ANO2: variants seen among roughly 807,000 people sequenced by gnomAD.
ANO2 encodes the protein anoctamin-2.
In ANO2, 101 loss-of-function variants were observed where a neutral mutation model predicts 124.2. The observed-to-expected ratio is 0.81, with a 90% CI of 0.69 to 0.96. ANO2 has a LOEUF of 0.96. ANO2 is among the 40% of genes least tolerant of loss of function. The probability of loss-of-function intolerance (pLI) is 0.00; values close to 1 mark genes in which losing one functional copy is unlikely to be tolerated. For synonymous variants in ANO2, 486 were observed against 482.5 expected (o/e 1.01, Z -0.09); for missense variants, 1,293 against 1,274.5 (o/e 1.01, Z -0.22).
intron 1 of ANO2, among the ~76,000 whole-genome samples, 193 bp from the exon 2 acceptor site, chr12:5,922,997 GC>G (rs201139186): frequency 3.3e-5 from 5 of 151,206 alleles, no homozygotes; most frequent in African/African-American, 9.8e-5. Flanking sequence ...AGGAAGTGCG[GC>G]CCCCCGACTG....
At chr12:5,595,099 G>C (rs558605809) in intron 20 of ANO2, among the ~76,000 whole-genome samples, 5 of 152,310 alleles carry the variant, frequency 3.3e-5, no homozygotes, top group African/African-American at 1.2e-4. Flanking sequence ...TATTATTATA[G>C]AGTTAACTCT....
intron 19 of ANO2, among the ~76,000 whole-genome samples, chr12:5,601,555 G>A (rs1378540116): frequency 6.6e-6 from 1 of 152,128 alleles, no homozygotes; most frequent in Admixed American, 6.6e-5. Flanking sequence ...ATCAAAGAGA[G>A]AGAGAAGAAA....
intron 6 of ANO2, among the ~76,000 whole-genome samples, chr12:5,828,885 GCACAGAGGAGACATC>G (rs1003439964): frequency 6.6e-6 from 1 of 152,192 alleles, no homozygotes; most frequent in African/African-American, 2.4e-5. Flanking sequence ...AAAGAAGCAG[GCACAGAGGAGACATC>G]CACAGATGTG....
chr12:5,824,291 G>T (rs535729320), intron 7 of ANO2, among the ~76,000 whole-genome samples: 16 of 152,278 alleles, frequency 1.1e-4, no homozygotes, highest in Non-Finnish European at 1.8e-4. Context: ...AAACTTTTAT[G>T]TTCTGCTTCC....
chr12:5,620,945 G>A (rs752932995), intron 16 of ANO2, among the ~76,000 whole-genome samples: 7 of 152,242 alleles, frequency 4.6e-5, no homozygotes, highest in Non-Finnish European at 1.0e-4. Context: ...CAAGAGGCCA[G>A]GTCCTCCCTG....
chr12:5,765,038 A>G (rs1038026229), intron 10 of ANO2, among the ~76,000 whole-genome samples: 8 of 152,226 alleles, frequency 5.3e-5, no homozygotes, highest in African/African-American at 1.7e-4. Context: ...TAAAAATGCT[A>G]TCAGCCAGAG....
At chr12:5,568,801 C>T (rs1279029924) in intron 23 of ANO2, among the ~76,000 whole-genome samples, 1 of 152,156 alleles carries the variant, frequency 6.6e-6, no homozygotes, top group Admixed American at 6.5e-5. Flanking sequence ...GTTGAAAGCC[C>T]TGTCCAGCAC....
At chr12:5,637,159 C>T (rs758743864) in intron 15 of ANO2, among the ~76,000 whole-genome samples, 1 of 152,094 alleles carries the variant, frequency 6.6e-6, no homozygotes, top group Non-Finnish European at 1.5e-5. Flanking sequence ...CATGACATCA[C>T]CCCTCTCCAA....
chr12:5,811,567 A>G (rs1174147803), intron 7 of ANO2, among the ~76,000 whole-genome samples: 1 of 152,152 alleles, frequency 6.6e-6, no homozygotes, highest in East Asian at 1.9e-4. Context: ...AGTTCCATCA[A>G]CCTGTAATTT....
At chr12:5,943,344 A>G (rs1003745600) in intron 1 of ANO2, among the ~76,000 whole-genome samples, 3 of 151,916 alleles carry the variant, frequency 2.0e-5, no homozygotes, top group Non-Finnish European at 2.9e-5. Context: ...AAGAAACAAA[A>G]TAAGTCTTTT....
At chr12:5,852,895 T>C (rs1305906696) in intron 4 of ANO2, among the ~76,000 whole-genome samples, 1 of 130,546 alleles carries the variant, frequency 7.7e-6, no homozygotes, top group Non-Finnish European at 1.7e-5. Flanking sequence ...GTGTGTGGTG[T>C]ATATGAGAGA....
chr12:5,842,053 T>C (rs1278855301), intron 4 of ANO2, among the ~76,000 whole-genome samples: 1 of 151,932 alleles, frequency 6.6e-6, no homozygotes, highest in Non-Finnish European at 1.5e-5. Flanking sequence ...AAATTTTTTT[T>C]AGTTTTAGTA....
rs574429565 is a variant in ANO2 at position 5,680,393 on chromosome 12, G to C, written c.1546-32592C>G. On this transcript the variant is annotated intron_variant, in intron 14 of 24. Transcript: ENST00000682330. ...AGGGATATTGAAAAAAAGGAAAGAG[G>C]GGCCAGACTAGGAGAGGGTCTGGAA... Among the ~76,000 whole-genome samples the C allele has an allele frequency of 9.5e-4, 144 of 152,296 alleles. 2 individuals carry two copies. The highest frequency in any genetic ancestry group is 7.7e-3 in the South Asian group (37 of 4,828).
chr12:5,710,124 A>T (rs1949758994), intron 14 of ANO2, among the ~76,000 whole-genome samples: 1 of 152,218 alleles, frequency 6.6e-6, no homozygotes, highest in African/African-American at 2.4e-5. Context: ...ATTCCTGCAG[A>T]TGGGAAGACC....
intron 16 of ANO2, among the ~76,000 whole-genome samples, chr12:5,618,733 C>T (rs1181204067): frequency 1.3e-5 from 2 of 152,216 alleles, no homozygotes; most frequent in Non-Finnish European, 2.9e-5. Context: ...TCACATTCAT[C>T]AAGCACCAGC....
At chr12:5,721,500 T>G (rs995099344) in intron 14 of ANO2, among the ~76,000 whole-genome samples, 67 of 100,724 alleles carry the variant, frequency 6.7e-4, no homozygotes, top group Non-Finnish European at 1.1e-3. Flanking sequence ...TGGTTTTGGG[T>G]TTTTTTTTTT....
Position 5,769,411 on chromosome 12 carries a change from C to G in ANO2, c.1056-18441G>C, listed in dbSNP as rs546710766. Among the ~76,000 whole-genome samples the G allele has an allele frequency of 1.1e-4, 16 of 152,202 alleles. No homozygotes were observed. The highest frequency in any genetic ancestry group is 3.6e-4 in the African/African-American group (15 of 41,536). ...GAGCCAGGGGCCAGACGAGCAAACA[C>G]TGAGTTCAGGATGAACCAGAGAAAT... On this transcript the variant is annotated intron_variant, in intron 10 of 24. Transcript: ENST00000682330. The surrounding 1 kb of genome is among the most constrained non-coding windows in gnomAD (Gnocchi z 4.0).
chr12:5,943,923 T>C (rs1205437324), intron 1 of ANO2, among the ~76,000 whole-genome samples: 1 of 152,140 alleles, frequency 6.6e-6, no homozygotes, highest in Non-Finnish European at 1.5e-5. Flanking sequence ...GATGAAGAGA[T>C]GGCACACCTG....
intron 10 of ANO2, among the ~76,000 whole-genome samples, chr12:5,751,481 G>C (rs927334919): frequency 4.6e-5 from 7 of 152,144 alleles, no homozygotes; most frequent in Non-Finnish European, 1.0e-4. Flanking sequence ...TAAAATATTA[G>C]TAATGGTTTC....
Sources: allele counts gnomAD v4.1 joint callset (sites outside exome capture counted in the v4.1 genomes callset), GRCh38; gene constraint gnomAD v4.1.1; non-coding constraint Gnocchi (gnomAD v3.1); transcripts MANE v1.5; gene names NCBI Gene and HGNC (gene_info 2026-07-23, HGNC 2026-07-21).